GET1: variants seen among roughly 807,000 people sequenced by gnomAD.
The protein encoded by GET1 is congenital heart disease 5 protein.
GET1 carries 20 observed loss-of-function variants against 22.6 expected under a neutral mutation model. The observed-to-expected ratio is 0.89, with a 90% CI of 0.62 to 1.29. The LOEUF is 1.29. Ranked by LOEUF, GET1 falls within the 50% of genes most tolerant of loss-of-function variation. The pLI is 0.00. For missense variants in GET1, 209 were observed against 219.9 expected, an observed-to-expected ratio of 0.95 and a Z score of 0.31; for synonymous variants, 92 against 83.8, an observed-to-expected ratio of 1.10 and a Z score of -0.53.
In GET1 at chr21:39,393,322, G is replaced by C. The variant is rs749922039; in HGVS notation, c.451+42G>C. On this transcript the variant is annotated intron_variant, in intron 4 of 4. Transcript: ENST00000649170. ...AGATGCAGTGGAAGAGTGTGAATAG[G>C]CTTATGTAGAGGTGTGTGGTAGAAG... 5.4e-6 allele frequency: 8 copies of C among 1,479,872 alleles called. No individual in the cohort carries two copies. The African/African-American group carries it at 1.1e-4, about 21-fold the overall frequency. 91.7% of individuals were successfully genotyped at this position (1,479,872 alleles called of 1,614,324 possible).
In GET1 at chr21:39,393,275, T is replaced by G. The variant is rs766694718; in HGVS notation, c.446T>G (p.Val149Gly). The change falls in exon 4 of 5, where the codon GTA becomes GGA. Residue 149 changes from valine (V) to glycine (G), a missense_variant. By Grantham distance (109) the Val-to-Gly change is moderately radical. Transcript: ENST00000649170. ...LDRLVAFPTR[V>G]AGGVGITCWI... The stretch of plus-strand genomic sequence containing the variant: ...CGCCTGGTAGCCTTTCCTACTAGAG[T>G]AGCAGGTAAGAATTTTCTGGAAGAT... 4.3e-6 allele frequency: 7 copies of G among 1,613,094 alleles called. No homozygotes were observed. The East Asian group carries it at 1.6e-4, about 36-fold the overall frequency.
chr21:39,406,027 T>C (rs2039027772), exon 5 of GET1: 3 of 1,614,088 alleles, frequency 1.9e-6, no homozygotes, highest in Non-Finnish European at 1.7e-6. Flanking sequence ...CAAAGGCTCC[T>C]CTGAGCCTTT....
rs78948290 is a variant in GET1, at chr21:39,391,486, A to G, written c.269-283A>G. The G allele has an allele frequency of 1.8e-3, 661 of 369,854 alleles. 4 individuals are homozygous for G. Among genetic ancestry groups the G allele is most frequent in the African/African-American group, 0.013 (606 of 46,270 alleles). 22.9% of individuals were successfully genotyped at this position (369,854 alleles called of 1,614,324 possible). ...AAATTTAGTCCTGTTGGTAAGTGGT[A>G]ACTGTATTATACAAAGAATCTTTGA... On this transcript the variant is annotated intron_variant, in intron 2 of 4. Transcript: ENST00000649170.
downstream of GET1, chr21:39,409,953 G>A (rs1601701022): frequency 8.0e-7 from 1 of 1,248,304 alleles, no homozygotes; most frequent in Non-Finnish European, 1.2e-6. This position sits in a 1 kb window ranked among gnomAD's most constrained non-coding sequence, Gnocchi z 4.2. Context: ...AATCAGATAA[G>A]ATAGACTTTA....
intron 1 of GET1, among the ~76,000 whole-genome samples, chr21:39,414,439 T>G (rs2040677140): frequency 1.3e-5 from 2 of 151,808 alleles, no homozygotes; most frequent in Non-Finnish European, 2.9e-5. Context: ...AGTTTCAAAG[T>G]AAAGAAACGA....
downstream of GET1, among the ~76,000 whole-genome samples, chr21:39,399,004 T>G (rs1204672242): frequency 6.6e-6 from 1 of 152,142 alleles, no homozygotes; most frequent in Non-Finnish European, 1.5e-5. Context: ...CCTCCCAAAG[T>G]GCTGGGATTA....
chr21:39,410,192 A>T, downstream of GET1: 3 of 1,239,364 alleles, frequency 2.4e-6, no homozygotes, highest in Non-Finnish European at 3.5e-6. Flanking sequence ...TTTCACATAG[A>T]ACAAGTGACT....
intron 1 of GET1, chr21:39,387,882 A>T: frequency 1.1e-6 from 1 of 951,646 alleles, no homozygotes; most frequent in Non-Finnish European, 1.2e-6. Context: ...AGGGGGGGGG[A>T]TCTGATTTAT....
intron 1 of GET1, among the ~76,000 whole-genome samples, chr21:39,415,314 T>A (rs1436602001): frequency 6.6e-6 from 1 of 152,182 alleles, no homozygotes; most frequent in Non-Finnish European, 1.5e-5. Context: ...TAAAAATGCA[T>A]AAAATATGTA....
chr21:39,422,919 C>T, intron 1 of GET1: 1 of 1,512,402 alleles, frequency 6.6e-7, no homozygotes, highest in Non-Finnish European at 9.0e-7. Context: ...GATTAATTCA[C>T]ACCCTCTCTC....
rs776279254 is a variant in GET1, at chr21:39,406,138, A to C, written c.*154A>C. The stretch of plus-strand genomic sequence containing the variant: ...CTTATCTCTGAAAGTTGTATCCTTC[A>C]CTTTTATTCTGGAAGACTTACCAAA... On this transcript the variant is annotated 3_prime_UTR_variant, in exon 5 of 5. Coordinates refer to the GET1 transcript ENST00000415847. The C allele has an allele frequency of 1.9e-6, 3 of 1,614,204 alleles. No homozygotes were observed. In the South Asian group the frequency reaches 3.3e-5, roughly 18 times the overall value.
At chr21:39,398,164 T>C (rs539464935), downstream of GET1, among the ~76,000 whole-genome samples, 3 of 152,276 alleles carry the variant, frequency 2.0e-5, no homozygotes, top group South Asian at 6.2e-4. Context: ...GCTTCCAGTG[T>C]CCGTCACCAC....
exon 5 of GET1, chr21:39,406,340 T>G (rs778988968): frequency 2.5e-6 from 4 of 1,614,162 alleles, no homozygotes; most frequent in Non-Finnish European, 3.4e-6. Context: ...CTTCTTTGTC[T>G]GAGGGGGCCT....
At chr21:39,423,177 T>C (rs766768622) in intron 1 of GET1, 1 of 1,613,294 alleles carries the variant, frequency 6.2e-7, no homozygotes, top group South Asian at 1.1e-5. Flanking sequence ...TCCTAAGTAG[T>C]TGCCTTAAAT....
rs79192760 is a variant in GET1 at position 39,384,837 on chromosome 21, C to T, written c.102+4351C>T. ...GCTGCCTCATACAACCTTATGGCCT[C>T]TCTAACCTCAACCCAGTTAGCTTTC... On this transcript the variant is annotated intron_variant, in intron 1 of 4. Transcript: ENST00000649170. 5.8e-3 allele frequency among the ~76,000 whole-genome samples: 881 copies of T among 152,254 alleles called. 6 individuals are homozygous for T. Among genetic ancestry groups the T allele is most frequent in the African/African-American group, 0.02 (837 of 41,540 alleles).
chr21:39,424,376 GA>G (rs1276526857), intron 1 of GET1, among the ~76,000 whole-genome samples: 4 of 152,132 alleles, frequency 2.6e-5, no homozygotes, highest in African/African-American at 7.2e-5. Context: ...AGCTCCTCAG[GA>G]AGCCTTGGCG....
chr21:39,391,867 T>C, intron 3 of GET1, 31 bp downstream of exon 3: 1 of 1,611,200 alleles, frequency 6.2e-7, no homozygotes, highest in Non-Finnish European at 8.5e-7. Flanking sequence ...GCCGGGTCAT[T>C]GGAGTTGGTG....
intron 1 of GET1, among the ~76,000 whole-genome samples, chr21:39,389,119 A>G (rs895033380): frequency 6.6e-6 from 1 of 150,824 alleles, no homozygotes; most frequent in Admixed American, 6.6e-5. Context: ...TTCCTTCACC[A>G]GGTTATGAAA....
chr21:39,422,466 G>T (rs553482811), intron 1 of GET1: 1 of 155,426 alleles, frequency 6.4e-6, no homozygotes, highest in Non-Finnish European at 1.4e-5. Context: ...AACATTATCT[G>T]GGAAAAGCTG....
Sources: allele counts gnomAD v4.1 joint callset (sites outside exome capture counted in the v4.1 genomes callset), GRCh38; gene constraint gnomAD v4.1.1; non-coding constraint Gnocchi (gnomAD v3.1); transcripts MANE v1.5; gene names NCBI Gene and HGNC (gene_info 2026-07-23, HGNC 2026-07-21).